The following CNTNAP2 variants were observed in gnomAD, a reference collection of about 807,000 sequenced individuals.
CNTNAP2 encodes the protein contactin associated protein 2.
Under a neutral mutation model 155.2 loss-of-function variants are expected in CNTNAP2, and 98 were observed. The ratio of observed to expected loss-of-function variants is 0.63; its 90% CI spans 0.54 to 0.75. The LOEUF is 0.75. Among genes scored for constraint, CNTNAP2 ranks in the 30% least tolerant of loss-of-function variants. CNTNAP2 has a pLI of 0.00. For missense variants in CNTNAP2, 1,727 were observed against 1,688.1 expected (o/e 1.02, Z -0.40); for synonymous variants, 651 against 631.2 (o/e 1.03, Z -0.47).
At position 146,321,160 on chromosome 7, in the gene CNTNAP2, G is replaced by A. The variant is rs186157890; in HGVS notation, c.97+204187G>A. Among the ~76,000 whole-genome samples, 701 of 152,040 alleles carry A rather than the reference G, an allele frequency of 4.6e-3. 29 individuals are homozygous for A. The highest frequency in any genetic ancestry group is 1.0e-3 in the South Asian group (5 of 4,814). ...TGATGCGCTTATTAGGAAAACAGTG[G>A]GGTAAAATAGGGTAGCCGAAATGAA... On this transcript the variant is annotated intron_variant, in intron 1 of 23. Transcript: ENST00000361727.
intron 1 of CNTNAP2, among the ~76,000 whole-genome samples, chr7:146,401,936 G>A (rs759230390): frequency 2.0e-4 from 31 of 152,026 alleles, no homozygotes; most frequent in African/African-American, 7.5e-4. Context: ...TGGTATTTAA[G>A]AAATATATTT....
chr7:148,229,480 G>T (rs1277597710), intron 19 of CNTNAP2, among the ~76,000 whole-genome samples, 166 bp from the exon 20 acceptor site: 1 of 151,872 alleles, frequency 6.6e-6, no homozygotes, highest in Non-Finnish European at 1.5e-5. Context: ...AGCCAAGATC[G>T]CACCATTGCA....
intron 15 of CNTNAP2, among the ~76,000 whole-genome samples, chr7:148,016,453 G>A (rs980850139): frequency 6.6e-6 from 1 of 152,176 alleles, no homozygotes; most frequent in Admixed American, 6.5e-5. Context: ...CTCCTGCACA[G>A]TACCACTCTT....
intron 14 of CNTNAP2, among the ~76,000 whole-genome samples, chr7:147,950,894 A>T (rs1337510501): frequency 6.6e-6 from 1 of 152,220 alleles, no homozygotes; most frequent in African/African-American, 2.4e-5. Flanking sequence ...ACTTTGTTAA[A>T]TTAACCTTAT....
intron 13 of CNTNAP2, among the ~76,000 whole-genome samples, chr7:147,742,747 A>G (rs1796975261): frequency 6.6e-6 from 1 of 152,218 alleles, no homozygotes; most frequent in African/African-American, 2.4e-5. Flanking sequence ...GTCCTTGGCT[A>G]TGACTTTGCC....
chr7:146,576,412 C>T (rs1298967350), intron 1 of CNTNAP2, among the ~76,000 whole-genome samples: 2 of 152,046 alleles, frequency 1.3e-5, no homozygotes, highest in Non-Finnish European at 2.9e-5. Context: ...TTATGTAACC[C>T]CCAGTGCCCT....
chr7:147,593,867 A>G (rs192680313), intron 12 of CNTNAP2, among the ~76,000 whole-genome samples: 4 of 152,316 alleles, frequency 2.6e-5, no homozygotes, highest in South Asian at 2.1e-4. Flanking sequence ...CCAGATTACA[A>G]CAATTGTTGA....
At chr7:148,245,471 C>G (rs1406498358) in intron 20 of CNTNAP2, among the ~76,000 whole-genome samples, 2 of 152,224 alleles carry the variant, frequency 1.3e-5, no homozygotes, top group African/African-American at 4.8e-5. Flanking sequence ...TTTCCTGCTG[C>G]TGGCATATTC....
chr7:146,571,900 T>C (rs1425602744), intron 1 of CNTNAP2, among the ~76,000 whole-genome samples: 1 of 151,930 alleles, frequency 6.6e-6, no homozygotes, highest in East Asian at 1.9e-4. Context: ...CCCAGCTAAT[T>C]TTTTGTATTT....
intron 1 of CNTNAP2, among the ~76,000 whole-genome samples, chr7:146,146,617 A>C (rs1307322047): frequency 6.6e-6 from 1 of 152,142 alleles, no homozygotes; most frequent in Non-Finnish European, 1.5e-5. Flanking sequence ...CCACCAGGCT[A>C]AGACATTGAA....
chr7:147,420,685 A>G (rs909714384), intron 10 of CNTNAP2, among the ~76,000 whole-genome samples: 1 of 152,228 alleles, frequency 6.6e-6, no homozygotes, highest in African/African-American at 2.4e-5. Flanking sequence ...TAAAGAAATT[A>G]TGAAATACTA....
At chr7:147,141,581 A>G (rs1193657998) in intron 8 of CNTNAP2, among the ~76,000 whole-genome samples, 4 of 152,066 alleles carry the variant, frequency 2.6e-5, no homozygotes, top group African/African-American at 9.7e-5. Flanking sequence ...GACATGAGTA[A>G]CTCACCAGGG....
intron 1 of CNTNAP2, among the ~76,000 whole-genome samples, chr7:146,227,619 A>G (rs1170801274): frequency 1.3e-5 from 2 of 152,120 alleles, no homozygotes; most frequent in African/African-American, 2.4e-5. Context: ...AAGTATGTCA[A>G]TTGGTGAGTA....
At chr7:146,622,279 C>CTATCTATCTATCTA (rs1216256197) in intron 1 of CNTNAP2, among the ~76,000 whole-genome samples, 2 of 100,548 alleles carry the variant, frequency 2.0e-5, no homozygotes, top group Non-Finnish European at 4.2e-5. Flanking sequence ...ATCTATCTAT[C>CTATCTATCTATCTA]TATATATATA....
intron 2 of CNTNAP2, among the ~76,000 whole-genome samples, chr7:146,780,195 T>C (rs976646295): frequency 1.3e-5 from 2 of 151,614 alleles, no homozygotes; most frequent in Non-Finnish European, 2.9e-5. Flanking sequence ...TCCTGACTGT[T>C]TTTTTTTTGA....
intron 13 of CNTNAP2, among the ~76,000 whole-genome samples, chr7:147,738,667 T>A (rs1796900775): frequency 6.6e-6 from 1 of 151,548 alleles, no homozygotes; most frequent in Non-Finnish European, 1.5e-5. Context: ...TTTTTATTTT[T>A]TTTTTTAGGT....
intron 10 of CNTNAP2, among the ~76,000 whole-genome samples, chr7:147,440,357 C>G (rs1797616765): frequency 6.6e-6 from 1 of 151,532 alleles, no homozygotes; most frequent in Non-Finnish European, 1.5e-5. Context: ...CTAATAAAAG[C>G]TCTACACCCT....
intron 3 of CNTNAP2, among the ~76,000 whole-genome samples, chr7:146,999,013 G>A (rs1247625043): frequency 6.6e-6 from 1 of 151,640 alleles, no homozygotes; most frequent in South Asian, 2.1e-4. Flanking sequence ...GGAACTTACT[G>A]CTGTCTTTTT....
At chr7:147,043,846 G>C in intron 3 of CNTNAP2, 61 bp from the exon 4 acceptor site, 1 of 1,588,426 alleles carries the variant, frequency 6.3e-7, no homozygotes, top group Non-Finnish European at 8.6e-7. Context: ...CTAGTAGACA[G>C]AGGACATGAT....
Sources: allele counts gnomAD v4.1 joint callset (sites outside exome capture counted in the v4.1 genomes callset), GRCh38; gene constraint gnomAD v4.1.1; transcripts MANE v1.5; gene names NCBI Gene and HGNC (gene_info 2026-07-23, HGNC 2026-07-21).